Variants in ZAN observed in about 807,000 individuals in gnomAD.
ZAN encodes the protein zonadhesin.
ZAN carries 260 observed loss-of-function variants against 286.2 expected under a neutral mutation model. The ratio of observed to expected loss-of-function variants is 0.91; its 90% CI spans 0.82 to 1.01. The LOEUF (loss-of-function observed/expected upper bound fraction) is 1.01, where lower values mean the gene tolerates loss of function less well. Among genes scored for constraint, ZAN ranks in the 50% least tolerant of loss-of-function variants. The pLI is 0.00. For synonymous variants in ZAN, 1,368 were observed against 1,417.5 expected, an observed-to-expected ratio of 0.97 and a Z score of 0.79; for missense variants, 3,410 against 3,639.2, an observed-to-expected ratio of 0.94 and a Z score of 1.62.
intron 19 of ZAN, among the ~76,000 whole-genome samples, chr7:100,761,512 T>C (rs996895581): frequency 3.3e-5 from 5 of 152,066 alleles, no homozygotes; most frequent in African/African-American, 1.2e-4. Flanking sequence ...TACTTGCCTG[T>C]AGTCTCAGCT....
Position 100,750,802 on chromosome 7 carries a change from C to T in ZAN, c.1427C>T (p.Pro476Leu). The change falls in exon 12 of 48, where the codon CCC (proline) becomes CTC (leucine). Residue 476 changes from proline to leucine, a missense_variant. By Grantham distance (98) the Pro-to-Leu change is moderately conservative. Transcript: ENST00000613979. ...ELLLGSPAGS[P>L]PIPLWKRVGS... ...CTCCTGGGAAGTCCTGCGGGGAGTC[C>T]CCCGATTCCTCTCTGGAAACGCGTG... The T allele has an allele frequency of 6.2e-7, 1 of 1,609,160 alleles. No homozygotes were observed. Among genetic ancestry groups the T allele is most frequent in the Non-Finnish European group, 8.5e-7 (1 of 1,176,700 alleles).
intron 38 of ZAN, among the ~76,000 whole-genome samples, chr7:100,788,359 T>C (rs1355812812): frequency 1.3e-5 from 2 of 152,010 alleles, no homozygotes; most frequent in Non-Finnish European, 2.9e-5. Context: ...AAGACCAGCC[T>C]GGGCAACATA....
Position 100,734,415 on chromosome 7 carries a change from C to T in ZAN, c.53+194C>T, listed in dbSNP as rs1003253027. Reference sequence around the variant, plus strand: ...TGGGCAGATCACGAGGTCAGGAGATCGAGACCATCCTGGCCAACATGGTGA... The same window carrying T: ...TGGGCAGATCACGAGGTCAGGAGATTGAGACCATCCTGGCCAACATGGTGA... On this transcript the variant is annotated intron_variant, in intron 2 of 47. Transcript: ENST00000613979. Among the ~76,000 whole-genome samples, 12 of 139,370 alleles carry T rather than the reference C, an allele frequency of 8.6e-5. 2 individuals carry two copies. Among genetic ancestry groups the T allele is most frequent in the Non-Finnish European group, 1.4e-4 (9 of 62,222 alleles). 91.4% of individuals were successfully genotyped at this position (139,370 alleles called of 152,430 possible).
chr7:100,792,271 C>G, intron 41 of ZAN, 123 bp downstream of exon 41: 1 of 1,502,144 alleles, frequency 6.7e-7, no homozygotes, highest in Non-Finnish European at 8.9e-7. Flanking sequence ...CTCCCTGTGG[C>G]CTAATTTCCT....
rs1418577792 is a variant in ZAN, at chr7:100,734,218, T to C, written c.50T>C (p.Phe17Ser). 1 of 1,449,370 alleles carries C rather than the reference T, an allele frequency of 6.9e-7. No individual in the cohort carries two copies. The highest frequency in any genetic ancestry group is 9.4e-7 in the Non-Finnish European group (1 of 1,067,326). 89.8% of individuals were successfully genotyped at this position (1,449,370 alleles called of 1,614,324 possible). ...TLLLLVGAAL[F>S]RKEKPPDQKL... ...CTGCTTCTGGTGGGGGCTGCCCTTT[T>C]CAGGTAAGCTGGGCCCAGGGGGTAA... The change falls in exon 2 of 48, where the codon TTC becomes TCC. Residue 17 changes from phenylalanine (F) to serine (S), a missense_variant. This residue lies in a region of ZAN where 872 missense variants were observed against 938.9 expected (regional missense o/e 0.93). Coordinates refer to ENST00000613979, the MANE Select transcript of ZAN (RefSeq NM_003386.3).
chr7:100,790,985 G>A lies in ZAN; in HGVS notation c.7401G>A (p.Leu2467=), dbSNP rs770372487. ...PSMYEGLVSG[L]CGNYDKNRKN... ...TGTACGAGGGGCTTGTGAGTGGCCT[G>A]TGCGGAAACTACGACAAGAACCGCA... The change falls in exon 40 of 48, where the codon CTG becomes CTA. Residue 2467 remains leucine (L), a synonymous_variant. Transcript: ENST00000613979. 5.6e-6 allele frequency: 9 copies of A among 1,611,936 alleles called. No individual in the cohort carries two copies. In the South Asian group the frequency reaches 8.8e-5, roughly 16 times the overall value.
intron 6 of ZAN, 91 bp from the exon 7 acceptor site, chr7:100,738,370 A>G: frequency 2.4e-6 from 3 of 1,234,638 alleles, no homozygotes; most frequent in Non-Finnish European, 2.3e-6. Context: ...GTGAGCTATG[A>G]TCACACCACT....
At chr7:100,783,633 C>A (rs1811331201) in intron 35 of ZAN, among the ~76,000 whole-genome samples, 1 of 140,148 alleles carries the variant, frequency 7.1e-6, no homozygotes, top group Non-Finnish European at 1.5e-5. Context: ...ACCTGGGAGG[C>A]TGAAGTAGGA....
Position 100,751,806 on chromosome 7 carries a change from C to G in ZAN, c.1701C>G (p.Thr567=). 3 of 1,613,508 alleles carry G rather than the reference C, an allele frequency of 1.9e-6. No individual in the cohort carries two copies. The highest frequency in any genetic ancestry group is 1.7e-6 in the Non-Finnish European group (2 of 1,179,800). The change falls in exon 14 of 48, where the codon ACC becomes ACG. Residue 567 remains threonine, a synonymous_variant. Coordinates refer to ENST00000613979, the MANE Select transcript of ZAN (RefSeq NM_003386.3). ...TCACAGAAAACCCTACAATCTCCACCAAGAAACCTACAGTTTCCATAGAAA... is the reference window on the plus strand; with the variant it reads ...TCACAGAAAACCCTACAATCTCCACGAAGAAACCTACAGTTTCCATAGAAA... ...TGLTENPTIS[T]KKPTVSIEKP...
chr7:100,780,800 A>G (rs1485143607), intron 35 of ZAN, among the ~76,000 whole-genome samples: 2 of 152,024 alleles, frequency 1.3e-5, no homozygotes, highest in Non-Finnish European at 2.9e-5. Context: ...ATTCAAATTT[A>G]TATTCGTGGC....
intron 17 of ZAN, 103 bp from the exon 18 acceptor site, chr7:100,759,618 C>T (rs959525938): frequency 3.1e-5 from 44 of 1,401,754 alleles, no homozygotes; most frequent in African/African-American, 2.2e-4. Context: ...GCTGGTGTCT[C>T]GGTGGCGCTC....
intron 26 of ZAN, 38 bp from the exon 27 acceptor site, chr7:100,768,572 G>A: frequency 6.5e-7 from 1 of 1,540,582 alleles, no homozygotes; most frequent in Non-Finnish European, 8.8e-7. Context: ...CCTGCTGGGG[G>A]GCCCCTTCTT....
At position 100,737,183 on chromosome 7, in the gene ZAN, T is replaced by G; in HGVS notation, c.526-79T>G. Reference sequence around the variant, plus strand: ...AAGGGATTGTGGGGGCCAAGCCATCTGAATTCAGGAAGAAAACTAGGAGCC... The same window carrying G: ...AAGGGATTGTGGGGGCCAAGCCATCGGAATTCAGGAAGAAAACTAGGAGCC... On this transcript the variant is annotated intron_variant, in intron 5 of 47. Transcript: ENST00000613979. 4 of 1,419,662 alleles carry G rather than the reference T, an allele frequency of 2.8e-6. 1 individual carries two copies. In the Admixed American group the frequency reaches 8.5e-5, roughly 30 times the overall value. The allele number at this position is 1,419,662 out of a possible 1,614,324, so 87.9% of individuals were successfully genotyped here.
In ZAN at chr7:100,759,848, GA is replaced by G. The variant is rs1254817268; in HGVS notation, c.3696+4del. 6.2e-7 allele frequency: 1 copy of G among 1,612,278 alleles called. No homozygotes were observed. The highest frequency in any genetic ancestry group is 8.5e-7 in the Non-Finnish European group (1 of 1,179,238). On this transcript the variant is annotated splice_donor_region_variant and intron_variant, in intron 18 of 47. Transcript: ENST00000613979. ...TGCTTAAGGGCAGACGCACTCTGGT[GA>G]GCCCCATTCCACCCCCACCATCCTT...
In ZAN at chr7:100,733,876, G is replaced by A. The variant is rs145136492; in HGVS notation, c.-142-151G>A. 854 of 260,950 alleles carry A rather than the reference G, an allele frequency of 3.3e-3. 82 individuals are homozygous for A. The highest frequency in any genetic ancestry group is 5.8e-3 in the Admixed American group (109 of 18,836). 16.2% of individuals were successfully genotyped at this position (260,950 alleles called of 1,614,324 possible). On this transcript the variant is annotated intron_variant, in intron 1 of 47. Coordinates refer to ENST00000613979, the MANE Select transcript of ZAN (RefSeq NM_003386.3). ...TCTTTTTGAACTCCTTTCGTTTGAG[G>A]TTAGACTTCCTGGATTGATCCTCCA...
At chr7:100,779,827 T>C in intron 35 of ZAN, 77 bp downstream of exon 35, 8 of 1,412,910 alleles carry the variant, frequency 5.7e-6, no homozygotes, top group Non-Finnish European at 7.5e-6. Context: ...GCTCCCTCAC[T>C]CTCCTTCCTG....
intron 33 of ZAN, among the ~76,000 whole-genome samples, 159 bp downstream of exon 33, chr7:100,775,992 G>T (rs1373405888): frequency 6.6e-6 from 1 of 151,956 alleles, no homozygotes; most frequent in African/African-American, 2.4e-5. Context: ...GTGTAGGGTG[G>T]ACAAGAGTGT....
At chr7:100,745,481 G>A (rs1015703992) in intron 7 of ZAN, among the ~76,000 whole-genome samples, 17 of 151,748 alleles carry the variant, frequency 1.1e-4, no homozygotes, top group African/African-American at 3.9e-4. Context: ...TGTCTGAGCT[G>A]GGGGCCGAGG....
In ZAN at chr7:100,736,848, G is replaced by C; in HGVS notation, c.293G>C (p.Arg98Pro). Residue 98 changes from arginine to proline, a missense_variant, in exon 5 of 48, where the codon CGT (arginine) becomes CCT (proline). By Grantham distance (103) the Arg-to-Pro change is moderately radical (BLOSUM62 -2). Transcript: ENST00000613979. ...YLHMESNSFH[R>P]GGVARLLSPD... is the part of the protein sequence containing the mutation. ...CATATGGAATCGAACAGCTTCCACC[G>C]TGGGGGAGTGGCCCGCCTGCTCAGC... 1 of 1,482,488 alleles carries C rather than the reference G, an allele frequency of 6.7e-7. No homozygotes were observed. The highest frequency in any genetic ancestry group is 1.7e-4 in the Middle Eastern group (1 of 5,904). 91.8% of individuals were successfully genotyped at this position (1,482,488 alleles called of 1,614,324 possible).
Sources: allele counts gnomAD v4.1 joint callset (sites outside exome capture counted in the v4.1 genomes callset), GRCh38; gene constraint gnomAD v4.1.1; regional missense constraint gnomAD v4.1.1; transcripts MANE v1.5; gene names NCBI Gene and HGNC (gene_info 2026-07-23, HGNC 2026-07-21).